Variants in VPS13B observed in about 807,000 individuals in gnomAD.
VPS13B encodes vacuolar protein sorting 13 homolog B.
A neutral mutation model predicts 426.4 loss-of-function variants in VPS13B; 285 were observed. The ratio of observed to expected loss-of-function variants is 0.67; its 90% CI spans 0.61 to 0.74. The LOEUF (loss-of-function observed/expected upper bound fraction) is 0.74. Ranked by LOEUF, VPS13B falls within the 30% of genes least tolerant of loss-of-function variation. The probability of loss-of-function intolerance (pLI) is 0.00; values close to 1 mark genes in which losing one functional copy is unlikely to be tolerated. For synonymous variants in VPS13B, 1,676 were observed against 1,676.4 expected, an observed-to-expected ratio of 1.00 and a Z score of 0.01; for missense variants, 4,537 against 4,782.6, an observed-to-expected ratio of 0.95 and a Z score of 1.51.
chr8:99,707,467 GA>G (rs1319849147), intron 36 of VPS13B, among the ~76,000 whole-genome samples: 1 of 152,068 alleles, frequency 6.6e-6, no homozygotes, highest in African/African-American at 2.4e-5. Flanking sequence ...TGTCAGAGCT[GA>G]AAAATACCTT....
At chr8:99,665,086 T>G (rs1345608289) in intron 35 of VPS13B, among the ~76,000 whole-genome samples, 1 of 152,270 alleles carries the variant, frequency 6.6e-6, no homozygotes, top group Admixed American at 6.5e-5. Context: ...GAGCATTTTT[T>G]CATGTGTTTT....
intron 54 of VPS13B, among the ~76,000 whole-genome samples, chr8:99,846,543 A>G (rs557754040): frequency 1.3e-5 from 2 of 152,332 alleles, no homozygotes; most frequent in African/African-American, 4.8e-5. Context: ...TAGAGCTGCC[A>G]TCATGCAAAA....
intron 44 of VPS13B, among the ~76,000 whole-genome samples, chr8:99,810,318 A>G (rs1367510827): frequency 1.3e-5 from 2 of 152,236 alleles, no homozygotes; most frequent in Non-Finnish European, 2.9e-5. Flanking sequence ...GTTTCAACAT[A>G]TACATCTGGA....
intron 17 of VPS13B, among the ~76,000 whole-genome samples, chr8:99,238,269 T>A (rs1368466972): frequency 3.3e-5 from 5 of 151,634 alleles, no homozygotes; most frequent in African/African-American, 7.3e-5. Flanking sequence ...TGTGTGTGTG[T>A]GAAAAGACAA....
intron 25 of VPS13B, among the ~76,000 whole-genome samples, chr8:99,493,227 T>C (rs945201342): frequency 2.0e-5 from 3 of 152,156 alleles, no homozygotes; most frequent in African/African-American, 7.2e-5. Flanking sequence ...TATAATTCTG[T>C]TGAATTCTAT....
intron 21 of VPS13B, among the ~76,000 whole-genome samples, chr8:99,422,945 T>C (rs1464422614): frequency 6.6e-6 from 1 of 152,082 alleles, no homozygotes; most frequent in Non-Finnish European, 1.5e-5. Context: ...TATGTTTGAG[T>C]TTTTTCACTT....
intron 50 of VPS13B, among the ~76,000 whole-genome samples, chr8:99,823,426 G>C (rs991078808): frequency 6.6e-6 from 1 of 152,138 alleles, no homozygotes; most frequent in African/African-American, 2.4e-5. Flanking sequence ...GCATTAGTGA[G>C]GCAGCTGCTG....
At chr8:99,361,792 AT>A (rs925627671) in intron 19 of VPS13B, among the ~76,000 whole-genome samples, 1 of 152,212 alleles carries the variant, frequency 6.6e-6, no homozygotes, top group Non-Finnish European at 1.5e-5. Context: ...TCTCCATGTA[AT>A]TTTTTATCTA....
At chr8:99,479,299 G>C (rs1245325372) in intron 24 of VPS13B, among the ~76,000 whole-genome samples, 1 of 151,898 alleles carries the variant, frequency 6.6e-6, no homozygotes, top group Admixed American at 6.6e-5. Flanking sequence ...TAGATTAAAT[G>C]AAAAAAGTGT....
Position 99,136,733 on chromosome 8 carries a change from G to A in VPS13B, c.1632G>A (p.Met544Ile). 6.2e-7 allele frequency: 1 copy of A among 1,613,548 alleles called. No homozygotes were observed. Among genetic ancestry groups the A allele is most frequent in the Non-Finnish European group, 8.5e-7 (1 of 1,179,602 alleles). Residue 544 changes from methionine to isoleucine, a missense_variant, in exon 12 of 62, where the codon ATG (methionine) becomes ATA (isoleucine). This residue lies in a region of VPS13B where 4,311 missense variants were observed against 4,474.3 expected (regional missense o/e 0.96). Transcript: ENST00000357162. ...GAFYMDYLYT[M>I]ENTSGKGSTN... ...TTTATATGGATTACCTGTATACAAT[G>A]GAGAACACTAGTGGCAAAGGTATTG... is the stretch of plus-strand genomic sequence containing the variant.
intron 39 of VPS13B, among the ~76,000 whole-genome samples, chr8:99,743,298 A>G (rs1809864545): frequency 6.6e-6 from 1 of 152,026 alleles, no homozygotes; most frequent in Admixed American, 6.5e-5. Flanking sequence ...GAGAACTACA[A>G]ACCACTGCTC....
Position 99,815,124 on chromosome 8 carries a change from C to T in VPS13B, c.8098-2416C>T, listed in dbSNP as rs543889775. On this transcript the variant is annotated intron_variant, in intron 44 of 61. Coordinates refer to ENST00000357162, the MANE Select transcript of VPS13B (RefSeq NM_152564.5). ...GCACACCCATGCATGCACACATGTACATGCATGGGTGTGTGGGAAAAGAAT... is the reference window on the plus strand; with the variant it reads ...GCACACCCATGCATGCACACATGTATATGCATGGGTGTGTGGGAAAAGAAT... 3.8e-4 allele frequency among the ~76,000 whole-genome samples: 39 copies of T among 103,528 alleles called. 1 individual carries two copies. The South Asian group carries it at 0.012, about 31-fold the overall frequency. 67.9% of individuals were successfully genotyped at this position (103,528 alleles called of 152,430 possible). A position where few individuals can be genotyped will look rare whatever the true frequency, so the allele number is the denominator to read the frequency against.
chr8:99,640,816 C>T (rs536097903), intron 33 of VPS13B, among the ~76,000 whole-genome samples: 1 of 152,186 alleles, frequency 6.6e-6, no homozygotes, highest in South Asian at 2.1e-4. Context: ...TGAAGCAAAC[C>T]TGTGCATAGG....
At chr8:99,744,988 T>A (rs1223401542) in intron 39 of VPS13B, among the ~76,000 whole-genome samples, 2 of 151,890 alleles carry the variant, frequency 1.3e-5, no homozygotes, top group East Asian at 3.9e-4. Flanking sequence ...AAAGAACCTA[T>A]CAGTTTTTTC....
chr8:99,460,993 CCA>C (rs1474543898), intron 23 of VPS13B, among the ~76,000 whole-genome samples: 1 of 152,142 alleles, frequency 6.6e-6, no homozygotes, highest in Admixed American at 6.5e-5. Flanking sequence ...TCTTTCAATC[CCA>C]GAGTGCTGAA....
At chr8:99,178,862 G>GCCA (rs2132687943) in intron 16 of VPS13B, among the ~76,000 whole-genome samples, 1 of 151,968 alleles carries the variant, frequency 6.6e-6, no homozygotes, top group African/African-American at 2.4e-5. Flanking sequence ...CCTCAAGTGA[G>GCCA]CCACCCGCCT....
intron 25 of VPS13B, among the ~76,000 whole-genome samples, chr8:99,498,572 A>T (rs895919865): frequency 7.2e-5 from 11 of 151,834 alleles, no homozygotes; most frequent in Non-Finnish European, 1.6e-4. Flanking sequence ...TCATGAAAAT[A>T]AAAAAAAGAA....
At chr8:99,580,790 T>A (rs949406085) in intron 33 of VPS13B, among the ~76,000 whole-genome samples, 1 of 151,862 alleles carries the variant, frequency 6.6e-6, no homozygotes, top group African/African-American at 2.4e-5. Flanking sequence ...AGGTCAAGGC[T>A]GAAGTGAGGT....
At chr8:99,432,833 G>C (rs1447751445) in intron 22 of VPS13B, among the ~76,000 whole-genome samples, 3 of 152,046 alleles carry the variant, frequency 2.0e-5, no homozygotes, top group Non-Finnish European at 2.9e-5. Context: ...CGAAAATATA[G>C]AGTGATAAAG....
Sources: allele counts gnomAD v4.1 joint callset (sites outside exome capture counted in the v4.1 genomes callset), GRCh38; gene constraint gnomAD v4.1.1; regional missense constraint gnomAD v4.1.1; transcripts MANE v1.5; gene names NCBI Gene and HGNC (gene_info 2026-07-23, HGNC 2026-07-21).